GLIS1: variants seen among roughly 807,000 people sequenced by gnomAD.
GLIS1 encodes GLIS family zinc finger 1.
Under a neutral mutation model 63.8 loss-of-function variants are expected in GLIS1, and 24 were observed. The observed-to-expected ratio is 0.38, with a 90% CI of 0.27 to 0.53. The LOEUF (loss-of-function observed/expected upper bound fraction) is 0.53. Ranked by LOEUF, GLIS1 falls within the 20% of genes least tolerant of loss-of-function variation. GLIS1 has a pLI of 0.85. For missense variants in GLIS1, 1,036 were observed against 1,074.1 expected, an observed-to-expected ratio of 0.96 and a Z score of 0.50; for synonymous variants, 450 against 482.5, an observed-to-expected ratio of 0.93 and a Z score of 0.88.
intron 2 of GLIS1, among the ~76,000 whole-genome samples, chr1:53,638,016 G>A (rs916585285): frequency 2.6e-5 from 4 of 152,240 alleles, no homozygotes; most frequent in African/African-American, 9.6e-5. Flanking sequence ...GCCAAAGCCT[G>A]CAGCCTGAAC....
intron 2 of GLIS1, among the ~76,000 whole-genome samples, chr1:53,647,268 C>T (rs1469097879): frequency 6.6e-6 from 1 of 152,050 alleles, no homozygotes; most frequent in Non-Finnish European, 1.5e-5. Context: ...CCAAGAATAG[C>T]CAGGGTGATC....
At chr1:53,580,062 T>C (rs1645070317) in intron 4 of GLIS1, among the ~76,000 whole-genome samples, 1 of 152,152 alleles carries the variant, frequency 6.6e-6, no homozygotes. Flanking sequence ...AGGCCTGGGA[T>C]CAGAATCTTG....
intron 2 of GLIS1, among the ~76,000 whole-genome samples, chr1:53,630,234 A>C (rs1557490519): frequency 6.6e-6 from 1 of 152,218 alleles, no homozygotes; most frequent in Non-Finnish European, 1.5e-5. Context: ...ACCATGATTT[A>C]TTTAGCAATT....
intron 2 of GLIS1, among the ~76,000 whole-genome samples, chr1:53,622,825 A>G (rs1000283707): frequency 6.6e-6 from 1 of 152,202 alleles, no homozygotes; most frequent in Non-Finnish European, 1.5e-5. Context: ...AAGAGGATAA[A>G]TATCTGTTGT....
chr1:53,648,933 C>T (rs58420681), intron 2 of GLIS1, among the ~76,000 whole-genome samples: 2,709 of 152,260 alleles, frequency 0.018, 65 homozygotes, highest in African/African-American at 0.06. Flanking sequence ...TGATATTCAT[C>T]GAATTACATA....
At chr1:53,604,418 A>G (rs1645349048) in intron 2 of GLIS1, among the ~76,000 whole-genome samples, 1 of 152,220 alleles carries the variant, frequency 6.6e-6, no homozygotes, top group South Asian at 2.1e-4. Context: ...GGCACCACAT[A>G]TAAGGTGACT....
chr1:53,694,049 T>C (rs1210339032), intron 2 of GLIS1, among the ~76,000 whole-genome samples: 1 of 152,128 alleles, frequency 6.6e-6, no homozygotes, highest in Non-Finnish European at 1.5e-5. Context: ...TACTGCCTGG[T>C]AGGGGAGACA....
chr1:53,628,431 G>C (rs2950266), intron 2 of GLIS1, among the ~76,000 whole-genome samples: 96,406 of 151,948 alleles, frequency 0.63, 32,571 homozygotes, highest in Middle Eastern at 0.79. Context: ...GACTGTACTG[G>C]CTCACTCGAC....
intron 2 of GLIS1, among the ~76,000 whole-genome samples, chr1:53,683,613 A>T (rs1646299987): frequency 6.6e-6 from 1 of 152,126 alleles, no homozygotes; most frequent in Admixed American, 6.6e-5. Context: ...GGACGTTAGC[A>T]GGTACTAGCC....
intron 2 of GLIS1, among the ~76,000 whole-genome samples, chr1:53,715,590 A>G (rs1467160699): frequency 6.6e-6 from 1 of 152,140 alleles, no homozygotes; most frequent in Admixed American, 6.5e-5. Context: ...TGGGAGACCA[A>G]TGAGGAGACT....
intron 2 of GLIS1, among the ~76,000 whole-genome samples, chr1:53,679,016 C>T (rs999024527): frequency 5.3e-5 from 8 of 152,220 alleles, no homozygotes; most frequent in Non-Finnish European, 1.0e-4. Flanking sequence ...GAGGTCACCC[C>T]CCACCTCTCA....
chr1:53,717,858 C>G (rs72660679), intron 2 of GLIS1, among the ~76,000 whole-genome samples: 22,539 of 152,104 alleles, frequency 0.15, 2,072 homozygotes, highest in Non-Finnish European at 0.21. Context: ...TAACTCACAG[C>G]AGGTGCTCAA....
At chr1:53,561,704 C>T (rs1043028259) in intron 4 of GLIS1, among the ~76,000 whole-genome samples, 3 of 152,214 alleles carry the variant, frequency 2.0e-5, no homozygotes, top group South Asian at 4.2e-4. Context: ...TGGCAGAGGT[C>T]GAAGAGCCAG....
At chr1:53,645,797 G>A (rs765467365) in intron 2 of GLIS1, among the ~76,000 whole-genome samples, 2 of 152,086 alleles carry the variant, frequency 1.3e-5, no homozygotes, top group Non-Finnish European at 2.9e-5. Context: ...GAATTTAGGG[G>A]GCAGCAGAGC....
intron 4 of GLIS1, among the ~76,000 whole-genome samples, chr1:53,584,591 G>A (rs952480439): frequency 6.6e-6 from 1 of 152,208 alleles, no homozygotes; most frequent in South Asian, 2.1e-4. Flanking sequence ...GCACAAGGGG[G>A]TGTCAAGCTG....
At chr1:53,561,573 A>C (rs1644892513) in intron 4 of GLIS1, among the ~76,000 whole-genome samples, 1 of 152,182 alleles carries the variant, frequency 6.6e-6, no homozygotes, top group Non-Finnish European at 1.5e-5. Context: ...CGGAGAAGAG[A>C]CCAGGTTCCC....
rs554205323 is a variant in GLIS1, at chr1:53,719,501, C to T, written c.259+18305G>A. Reference sequence around the variant, plus strand: ...CAGAGTTTACACACCTGAAGTCCTGCTTAGGAATGTAGTGGCCAATGCCTA... The same window carrying T: ...CAGAGTTTACACACCTGAAGTCCTGTTTAGGAATGTAGTGGCCAATGCCTA... On this transcript the variant is annotated intron_variant, in intron 2 of 10. Transcript: ENST00000628545. 2.0e-4 allele frequency among the ~76,000 whole-genome samples: 31 copies of T among 152,332 alleles called. No homozygotes were observed. In the South Asian group the frequency reaches 5.8e-3, roughly 28 times the overall value.
intron 4 of GLIS1, among the ~76,000 whole-genome samples, chr1:53,576,907 A>C (rs1645037175): frequency 6.6e-6 from 1 of 151,036 alleles, no homozygotes; most frequent in Non-Finnish European, 1.5e-5. Context: ...AGCCCTTCTC[A>C]TTCACATTCT....
chr1:53,509,869 G>C lies in GLIS1; in HGVS notation c.2042C>G (p.Pro681Arg). Residue 681 changes from proline (P) to arginine (R), a missense_variant, in exon 9 of 11, where the codon CCG becomes CGG. By Grantham distance (103) the Pro-to-Arg change is moderately radical (BLOSUM62 -2). Around this residue, in one of 3 missense-constraint regions of GLIS1, gnomAD observed 400 missense variants for 400.9 expected, o/e 1.00. Transcript: ENST00000628545. ...CTTACCTTGTGGGCTGGGCAGAGGCGGGGGTGGAGGGCTCTGGAAGGGTGG... is the reference window on the plus strand; with the variant it reads ...CTTACCTTGTGGGCTGGGCAGAGGCCGGGGTGGAGGGCTCTGGAAGGGTGG... Reference protein sequence around the residue: ...SYPPFQSPPPPPLPSPQGYQG... With the variant: ...SYPPFQSPPPRPLPSPQGYQG... 7.7e-7 allele frequency: 1 copy of C among 1,307,158 alleles called. No individual in the cohort carries two copies. The highest frequency in any genetic ancestry group is 9.8e-7 in the Non-Finnish European group (1 of 1,019,270). The allele number at this position is 1,307,158 out of a possible 1,614,324, so 81.0% of individuals were successfully genotyped here. A position where few individuals can be genotyped will look rare whatever the true frequency, so the allele number is the denominator to read the frequency against.
Sources: allele counts gnomAD v4.1 joint callset (sites outside exome capture counted in the v4.1 genomes callset), GRCh38; gene constraint gnomAD v4.1.1; regional missense constraint gnomAD v4.1.1; transcripts MANE v1.5; gene names NCBI Gene and HGNC (gene_info 2026-07-23, HGNC 2026-07-21).